The following RAB6A variants were observed in gnomAD, a reference collection of about 807,000 sequenced individuals.
RAB6A encodes the protein ras-related protein Rab-6A.
In RAB6A, 8 loss-of-function variants were observed where a neutral mutation model predicts 32.3. The observed-to-expected ratio is 0.25, with a 90% CI of 0.15 to 0.45. The LOEUF is 0.45. RAB6A is among the 20% of genes least tolerant of loss of function. The probability of loss-of-function intolerance (pLI) is 1.00; values close to 1 mark genes in which losing one functional copy is unlikely to be tolerated. For synonymous variants in RAB6A, 73 were observed against 82.1 expected, an observed-to-expected ratio of 0.89 and a Z score of 0.60; for missense variants, 104 against 249.4, an observed-to-expected ratio of 0.42 and a Z score of 3.93.
intron 6 of RAB6A, among the ~76,000 whole-genome samples, chr11:73,688,374 A>AG (rs1382068710): frequency 1.3e-5 from 2 of 152,086 alleles, no homozygotes; most frequent in African/African-American, 4.8e-5. Context: ...AGTCCTATTT[A>AG]CCATCTCTGG....
intron 5 of RAB6A, among the ~76,000 whole-genome samples, chr11:73,713,865 G>A (rs546072187): frequency 6.6e-6 from 1 of 152,178 alleles, no homozygotes; most frequent in African/African-American, 2.4e-5. Context: ...CAACGCAACT[G>A]ACAAATGTTA....
chr11:73,715,657 T>C (rs1215808690), intron 5 of RAB6A, among the ~76,000 whole-genome samples: 1 of 152,246 alleles, frequency 6.6e-6, no homozygotes, highest in African/African-American at 2.4e-5. Flanking sequence ...TTAAGAATGC[T>C]GAAAGCAAAT....
intron 2 of RAB6A, among the ~76,000 whole-genome samples, chr11:73,727,463 A>G (rs140998133): frequency 0.01 from 1,565 of 152,172 alleles, 27 homozygotes; most frequent in African/African-American, 0.036. Flanking sequence ...TTCCCCCAAA[A>G]AAGAATGGAG....
rs1355041204 is a variant in RAB6A at position 73,722,341 on chromosome 11, ATATTTTTTTTTTTT to A, written c.130-1456_130-1443del. 2 of 8,824 alleles carry A rather than the reference ATATTTTTTTTTTTT, an allele frequency of 2.3e-4. 1 individual carries two copies. The allele number at this position is 8,824 out of a possible 1,614,324, so 0.5% of individuals were successfully genotyped here. A position where few individuals can be genotyped will look rare whatever the true frequency, so the allele number is the denominator to read the frequency against. On this transcript the variant is annotated intron_variant, in intron 2 of 7. Coordinates refer to ENST00000336083, the MANE Select transcript of RAB6A (RefSeq NM_198896.2). ...TATATATATATATATATATATATAT[ATATTTTTTTTTTTT>A]TTTTTTTTTTTTGAGACAGTCTCAC...
chr11:73,690,747 G>C lies in RAB6A; in HGVS notation c.496-11027C>G, dbSNP rs987698760. 2.7e-5 allele frequency among the ~76,000 whole-genome samples: 4 copies of C among 150,734 alleles called. No individual in the cohort carries two copies. The South Asian group carries it at 8.4e-4, about 32-fold the overall frequency. On this transcript the variant is annotated intron_variant, in intron 6 of 7. Transcript: ENST00000336083. ...AACAAATCAGCAAACGGAATTCCAGGGTTCTGAGCCCATGGTTGGGTCCAG... is the reference window on the plus strand; with the variant it reads ...AACAAATCAGCAAACGGAATTCCAGCGTTCTGAGCCCATGGTTGGGTCCAG...
At position 73,731,725 on chromosome 11, in the gene RAB6A, TATATATAC is replaced by T. The variant is rs1159566658; in HGVS notation, c.71-910_71-903del. ...ATATATATATATATATATATATATA[TATATATAC>T]ACACACACACACATATTTTCTTTTT... On this transcript the variant is annotated intron_variant, in intron 1 of 7. Transcript: ENST00000336083. 3.2e-3 allele frequency among the ~76,000 whole-genome samples: 28 copies of T among 8,714 alleles called. 1 individual carries two copies. Among genetic ancestry groups the T allele is most frequent in the Middle Eastern group, 0.042 (1 of 24 alleles). 5.7% of individuals were successfully genotyped at this position (8,714 alleles called of 152,430 possible).
chr11:73,738,590 T>C (rs971906929), intron 1 of RAB6A, among the ~76,000 whole-genome samples: 2 of 152,148 alleles, frequency 1.3e-5, no homozygotes, highest in African/African-American at 4.8e-5. Flanking sequence ...TTGCAACTAC[T>C]ATAAACTGTG....
intron 1 of RAB6A, among the ~76,000 whole-genome samples, chr11:73,747,164 T>C (rs985775153): frequency 2.6e-5 from 4 of 151,982 alleles, no homozygotes; most frequent in African/African-American, 9.7e-5. Context: ...GTACAGAGAA[T>C]TTCAGTACAC....
At chr11:73,704,293 G>C (rs1945797409) in intron 6 of RAB6A, 3 of 312,496 alleles carry the variant, frequency 9.6e-6, no homozygotes, top group Non-Finnish European at 2.0e-5. Flanking sequence ...TGAGGTGGGA[G>C]AATCACTTGA....
intron 6 of RAB6A, among the ~76,000 whole-genome samples, chr11:73,691,174 C>CT (rs1023498600): frequency 2.6e-5 from 4 of 152,092 alleles, no homozygotes; most frequent in Admixed American, 2.6e-4. Context: ...CTGAACTTCT[C>CT]TTTTTTCCTT....
chr11:73,741,602 C>T (rs1378155877), intron 1 of RAB6A, among the ~76,000 whole-genome samples: 1 of 151,598 alleles, frequency 6.6e-6, no homozygotes, highest in Non-Finnish European at 1.5e-5. Context: ...TGAAAGCAAC[C>T]AAAATGTCCT....
chr11:73,737,619 T>C (rs1194250702), intron 1 of RAB6A, among the ~76,000 whole-genome samples: 1 of 151,988 alleles, frequency 6.6e-6, no homozygotes, highest in African/African-American at 2.4e-5. Context: ...ACAGATACAA[T>C]GGGATGAAGT....
At chr11:73,751,212 C>A (rs962859494) in intron 1 of RAB6A, among the ~76,000 whole-genome samples, 17 of 152,034 alleles carry the variant, frequency 1.1e-4, no homozygotes, top group African/African-American at 3.9e-4. Flanking sequence ...CCAGGAGTTC[C>A]GGGCTGTAGT....
Position 73,677,166 on chromosome 11 carries a change from G to C in RAB6A, c.*732C>G, listed in dbSNP as rs562861184. The C allele has an allele frequency of 1.8e-5, 3 of 167,158 alleles. No homozygotes were observed. The highest frequency in any genetic ancestry group is 7.2e-5 in the African/African-American group (3 of 41,566). The allele number at this position is 167,158 out of a possible 1,614,324, so 10.4% of individuals were successfully genotyped here. ...TAAAGCACATGTGAAAGAGCCATTT[G>C]TTTTAGTCAGAAATACATCTTATGT... On this transcript the variant is annotated 3_prime_UTR_variant, in exon 8 of 8. Transcript: ENST00000336083.
chr11:73,694,030 G>A (rs1224598672), intron 6 of RAB6A, among the ~76,000 whole-genome samples: 4 of 152,106 alleles, frequency 2.6e-5, no homozygotes, highest in Non-Finnish European at 4.4e-5. Flanking sequence ...ATACCTATGC[G>A]GTATCAGAAT....
At chr11:73,701,799 T>C (rs1454927635) in intron 6 of RAB6A, among the ~76,000 whole-genome samples, 4 of 152,068 alleles carry the variant, frequency 2.6e-5, no homozygotes, top group Non-Finnish European at 5.9e-5. Context: ...ACTACCACGC[T>C]GGGTTAATTT....
intron 4 of RAB6A, among the ~76,000 whole-genome samples, chr11:73,717,645 CGTT>C: frequency 6.6e-6 from 1 of 152,242 alleles, no homozygotes; most frequent in East Asian, 1.9e-4. Context: ...AGTTTCATCA[CGTT>C]GGTCAGGCTG....
chr11:73,702,863 T>A (rs56753942), intron 6 of RAB6A, among the ~76,000 whole-genome samples: 1,777 of 151,814 alleles, frequency 0.012, 27 homozygotes, highest in African/African-American at 0.037. Context: ...TATTATTATT[T>A]TTTTTTTTCT....
At chr11:73,708,869 T>C (rs1386299067) in intron 5 of RAB6A, among the ~76,000 whole-genome samples, 1 of 152,156 alleles carries the variant, frequency 6.6e-6, no homozygotes, top group African/African-American at 2.4e-5. Flanking sequence ...AAAACTTACA[T>C]CTATGTATTA....
Sources: gnomAD v4.1 joint callset for allele counts (sites outside exome capture counted in the v4.1 genomes callset) on GRCh38, gnomAD v4.1.1 for gene constraint, MANE v1.5 for transcripts, NCBI Gene and HGNC (gene_info 2026-07-23, HGNC 2026-07-21) for gene names.